The following FNDC3A variants were observed in gnomAD, a reference collection of about 807,000 sequenced individuals.
The protein encoded by FNDC3A is fibronectin type III domain containing 3A.
In FNDC3A, 32 loss-of-function variants were observed where a neutral mutation model predicts 148.9. The ratio of observed to expected loss-of-function variants is 0.21; its 90% CI spans 0.16 to 0.29. FNDC3A has a LOEUF of 0.29. Among genes scored for constraint, FNDC3A ranks in the 10% least tolerant of loss-of-function variants. The probability of loss-of-function intolerance (pLI) is 1.00; values close to 1 mark genes in which losing one functional copy is unlikely to be tolerated. For missense variants in FNDC3A, 1,191 were observed against 1,452.8 expected (o/e 0.82, Z 2.93); for synonymous variants, 472 against 473.6 (o/e 1.00, Z 0.04).
intron 17 of FNDC3A, among the ~76,000 whole-genome samples, chr13:49,190,288 G>A (rs921027850): frequency 2.2e-4 from 33 of 152,272 alleles, no homozygotes; most frequent in African/African-American, 7.9e-4. Context: ...CTAGAAAGAT[G>A]CCAAGTAACT....
Position 49,187,737 on chromosome 13 carries a change from A to T in FNDC3A, c.1825+547A>T, listed in dbSNP as rs113065185. The T allele has an allele frequency of 2.0e-4, 213 of 1,083,312 alleles. No homozygotes were observed. In the Middle Eastern group the frequency reaches 2.8e-3, roughly 14 times the overall value. The allele number at this position is 1,083,312 out of a possible 1,614,324, so 67.1% of individuals were successfully genotyped here. ...CGGATGAAATGGCGGCACCTCACCA[A>T]GACCTTTTTTTTTTCCTGGATTTTT... On this transcript the variant is annotated intron_variant, in intron 16 of 25. Transcript: ENST00000492622.
At chr13:48,991,423 A>G (rs1394514031) in intron 1 of FNDC3A, among the ~76,000 whole-genome samples, 1 of 152,180 alleles carries the variant, frequency 6.6e-6, no homozygotes. Flanking sequence ...GCAGTGGCTC[A>G]TGTTTGTAAT....
chr13:48,992,773 G>A (rs1019247147), intron 1 of FNDC3A, among the ~76,000 whole-genome samples: 22 of 152,000 alleles, frequency 1.4e-4, no homozygotes, highest in African/African-American at 4.8e-4. Flanking sequence ...TATTAGGTTG[G>A]TGCGAAAGTA....
intron 3 of FNDC3A, among the ~76,000 whole-genome samples, chr13:49,090,641 A>G (rs1373622557): frequency 6.6e-6 from 1 of 150,404 alleles, no homozygotes; most frequent in African/African-American, 2.5e-5. Context: ...TTAAAGAACA[A>G]CACCCTTTTA....
Position 49,190,913 on chromosome 13 carries a change from A to G in FNDC3A, c.1945-102A>G, listed in dbSNP as rs1885850983. 8 of 679,048 alleles carry G rather than the reference A, an allele frequency of 1.2e-5. No homozygotes were observed. The East Asian group carries it at 2.2e-4, about 18-fold the overall frequency. 42.1% of individuals were successfully genotyped at this position (679,048 alleles called of 1,614,324 possible). On this transcript the variant is annotated intron_variant, in intron 17 of 25. Coordinates refer to ENST00000492622, the MANE Select transcript of FNDC3A (RefSeq NM_001079673.2). ...TGACAATCAAGTACAATTTCAAATTATCAGTGCAATATTTGTGTTTATATT... is the reference window on the plus strand; with the variant it reads ...TGACAATCAAGTACAATTTCAAATTGTCAGTGCAATATTTGTGTTTATATT...
intron 23 of FNDC3A, chr13:49,201,115 A>G: frequency 1.4e-5 from 4 of 282,688 alleles, no homozygotes; most frequent in Middle Eastern, 4.3e-4. Flanking sequence ...TTCATTCTCT[A>G]ATTTCCAAAA....
At chr13:49,126,989 T>G (rs748875125) in intron 4 of FNDC3A, among the ~76,000 whole-genome samples, 2 of 152,192 alleles carry the variant, frequency 1.3e-5, no homozygotes, top group Non-Finnish European at 2.9e-5. Flanking sequence ...AAACGGTATC[T>G]TCCACAGACT....
chr13:49,095,549 TTTA>T (rs1309243664), intron 3 of FNDC3A: 1 of 152,064 alleles, frequency 6.6e-6, no homozygotes, highest in African/African-American at 2.4e-5. Flanking sequence ...ACCTTGAGGA[TTTA>T]TTTTCTTAAC....
chr13:49,178,265 G>A (rs919078682), intron 13 of FNDC3A, among the ~76,000 whole-genome samples: 1 of 152,156 alleles, frequency 6.6e-6, no homozygotes, highest in African/African-American at 2.4e-5. Flanking sequence ...CTTACTGATG[G>A]TGAAGTTACC....
chr13:49,012,974 A>G (rs896680382), intron 2 of FNDC3A, among the ~76,000 whole-genome samples: 1 of 152,032 alleles, frequency 6.6e-6, no homozygotes, highest in African/African-American at 2.4e-5. Flanking sequence ...TCAGCATATT[A>G]TTAAGCATGA....
At chr13:49,175,283 CA>C (rs1022462312) in intron 12 of FNDC3A, 83 bp from the exon 13 acceptor site, 11 of 952,896 alleles carry the variant, frequency 1.2e-5, no homozygotes, top group African/African-American at 8.4e-5. Context: ...TGTCATTTTC[CA>C]AAAAAATTAC....
At chr13:49,141,266 T>G (rs557705967) in intron 7 of FNDC3A, among the ~76,000 whole-genome samples, 1 of 152,372 alleles carries the variant, frequency 6.6e-6, no homozygotes, top group African/African-American at 2.4e-5. Context: ...TCATTTGTTC[T>G]TCTTTGAAAT....
intron 12 of FNDC3A, 139 bp downstream of exon 12, chr13:49,174,698 A>G (rs1225163119): frequency 1.6e-5 from 11 of 704,738 alleles, no homozygotes; most frequent in Non-Finnish European, 2.5e-5. Flanking sequence ...AAGATGTGTT[A>G]CCAGTCTAGC....
intron 2 of FNDC3A, chr13:49,044,408 AC>A (rs1875195735): frequency 6.5e-6 from 1 of 153,786 alleles, no homozygotes; most frequent in South Asian, 2.0e-4. Context: ...GTGGTGGCTC[AC>A]GCCTGTAATC....
rs367707181 is a variant in FNDC3A, at chr13:49,168,719, C to G, written c.1144C>G (p.Arg382Gly). The change falls in exon 10 of 26, where the codon CGG becomes GGG. Residue 382 changes from arginine (R) to glycine (G), a missense_variant. Arg to Gly is a moderately radical substitution (Grantham distance 125). Transcript: ENST00000492622. Reference protein sequence around the residue: ...DIPNPPRIANRTKNSLTLQWK... With the variant: ...DIPNPPRIANGTKNSLTLQWK... The stretch of plus-strand genomic sequence containing the variant: ...ACCTAATCCACCAAGGATAGCCAAT[C>G]GGACCAAAAATTCACTCACTTTGCA... 1.2e-6 allele frequency: 2 copies of G among 1,613,332 alleles called. No homozygotes were observed. The highest frequency in any genetic ancestry group is 1.7e-5 in the Admixed American group (1 of 59,958).
At chr13:48,985,906 T>G (rs1296986535) in intron 1 of FNDC3A, among the ~76,000 whole-genome samples, 2 of 152,254 alleles carry the variant, frequency 1.3e-5, no homozygotes, top group Non-Finnish European at 2.9e-5. Flanking sequence ...TGCAAGGCTT[T>G]GTTATGATTG....
Position 49,167,633 on chromosome 13 carries a change from G to A in FNDC3A, c.1037+330G>A, listed in dbSNP as rs541250767. Among the ~76,000 whole-genome samples, 4 of 152,196 alleles carry A rather than the reference G, an allele frequency of 2.6e-5. No individual in the cohort carries two copies. The East Asian group carries it at 7.7e-4, about 29-fold the overall frequency. On this transcript the variant is annotated intron_variant, in intron 9 of 25. Coordinates refer to ENST00000492622, the MANE Select transcript of FNDC3A (RefSeq NM_001079673.2). ...AGGTAGGAGGATTGCTTGAGCCCAG[G>A]AGGTTAAGACTGCAGTGAGCCATGA... is the stretch of plus-strand genomic sequence containing the variant.
chr13:48,975,849 G>T (rs1186487079), upstream of FNDC3A: 1 of 151,460 alleles, frequency 6.6e-6, no homozygotes, highest in African/African-American at 2.4e-5. Context: ...TCGGGGTCCC[G>T]GCCGCGGGCT....
chr13:49,197,046 T>C, intron 20 of FNDC3A, 56 bp downstream of exon 20: 1 of 1,023,672 alleles, frequency 9.8e-7, no homozygotes, highest in South Asian at 1.4e-5. Flanking sequence ...GAATAGTTTA[T>C]ATAAAAGAAT....
Sources: allele counts gnomAD v4.1 joint callset (sites outside exome capture counted in the v4.1 genomes callset), GRCh38; gene constraint gnomAD v4.1.1; transcripts MANE v1.5; gene names NCBI Gene and HGNC (gene_info 2026-07-23, HGNC 2026-07-21).